The following ANKRD12 variants were observed in gnomAD, a reference collection of about 807,000 sequenced individuals.
ANKRD12 encodes ankyrin repeat domain 12.
A neutral mutation model predicts 183.4 loss-of-function variants in ANKRD12; 85 were observed. The observed-to-expected ratio is 0.46, with a 90% CI of 0.39 to 0.56. The LOEUF (loss-of-function observed/expected upper bound fraction) is 0.56. ANKRD12 is among the 20% of genes least tolerant of loss of function. The pLI, the probability that ANKRD12 is intolerant of heterozygous loss-of-function variation, is 0.00. For missense variants in ANKRD12, 2,405 were observed against 2,357.1 expected (o/e 1.02, Z -0.42); for synonymous variants, 914 against 800.2 (o/e 1.14, Z -2.40).
Position 9,181,976 on chromosome 18 carries a change from G to A in ANKRD12, c.-51-406G>A, listed in dbSNP as rs73392368. On this transcript the variant is annotated intron_variant, in intron 1 of 12. Coordinates refer to ENST00000262126, the MANE Select transcript of ANKRD12 (RefSeq NM_015208.5). ...GGAAGGATTTAATGTAGGGAATTAG[G>A]TGTTGTAAAATTACTGATCAAACCT... Among the ~76,000 whole-genome samples the A allele has an allele frequency of 3.9e-3, 587 of 152,286 alleles. 2 individuals are homozygous for A. Among genetic ancestry groups the A allele is most frequent in the African/African-American group, 0.013 (538 of 41,576 alleles).
intron 1 of ANKRD12, among the ~76,000 whole-genome samples, chr18:9,178,311 A>G (rs1361990627): frequency 7.4e-6 from 1 of 135,168 alleles, no homozygotes; most frequent in Non-Finnish European, 1.6e-5. Flanking sequence ...GAGTGAGGTA[A>G]GGATCAAGAT....
At chr18:9,194,596 A>T (rs770330976) in intron 2 of ANKRD12, among the ~76,000 whole-genome samples, 1 of 152,126 alleles carries the variant, frequency 6.6e-6, no homozygotes, top group African/African-American at 2.4e-5. Flanking sequence ...ACCTCAGGTG[A>T]TACCCATGCT....
chr18:9,177,487 T>C (rs945153050), intron 1 of ANKRD12, among the ~76,000 whole-genome samples: 2 of 152,208 alleles, frequency 1.3e-5, no homozygotes, highest in Non-Finnish European at 2.9e-5. Context: ...ATACATCTGA[T>C]GTTTTGTTCT....
At chr18:9,181,581 T>C (rs2033703080) in intron 1 of ANKRD12, among the ~76,000 whole-genome samples, 1 of 152,248 alleles carries the variant, frequency 6.6e-6, no homozygotes, top group African/African-American at 2.4e-5. Flanking sequence ...AATGTGTATC[T>C]GTGCTGTATA....
chr18:9,249,169 A>G (rs890141694), intron 8 of ANKRD12, among the ~76,000 whole-genome samples: 1 of 152,104 alleles, frequency 6.6e-6, no homozygotes, highest in Non-Finnish European at 1.5e-5. Context: ...GTGGAAAACA[A>G]AAGGAGAAAT....
rs757170460 is a variant in ANKRD12, at chr18:9,275,507, A to C, written c.5764-17A>C. Reference sequence around the variant, plus strand: ...TTGTTGAAGAATTTATTTTTTTTTAATTCTTTATTCAACTAGGAAAAACTC... The same window carrying C: ...TTGTTGAAGAATTTATTTTTTTTTACTTCTTTATTCAACTAGGAAAAACTC... On this transcript the variant is annotated splice_polypyrimidine_tract_variant and intron_variant, in intron 10 of 12. Transcript: ENST00000262126. 6.3e-7 allele frequency: 1 copy of C among 1,589,878 alleles called. No individual in the cohort carries two copies. Among genetic ancestry groups the C allele is most frequent in the Admixed American group, 1.8e-5 (1 of 56,782 alleles).
chr18:9,280,557 C>T (rs753090710), intron 12 of ANKRD12, among the ~76,000 whole-genome samples: 8 of 152,132 alleles, frequency 5.3e-5, no homozygotes, highest in Non-Finnish European at 8.8e-5. Flanking sequence ...GGAAGGCCTA[C>T]GTGAGCAGAT....
chr18:9,246,660 A>G (rs2037979914), intron 8 of ANKRD12, among the ~76,000 whole-genome samples: 1 of 152,164 alleles, frequency 6.6e-6, no homozygotes, highest in African/African-American at 2.4e-5. Context: ...TTTAAAATTG[A>G]CGTATGTGCT....
chr18:9,160,023 A>G (rs998891690), intron 1 of ANKRD12, among the ~76,000 whole-genome samples: 4 of 151,834 alleles, frequency 2.6e-5, no homozygotes, highest in African/African-American at 9.7e-5. Flanking sequence ...TAATCCCCGC[A>G]CTTTGGGAGT....
At chr18:9,279,854 GC>G (rs1284949653) in intron 12 of ANKRD12, among the ~76,000 whole-genome samples, 1 of 152,166 alleles carries the variant, frequency 6.6e-6, no homozygotes, top group Non-Finnish European at 1.5e-5. Context: ...CACAGAAAAT[GC>G]AGTTTCTAGT....
chr18:9,157,717 C>T (rs1336074850), intron 1 of ANKRD12, among the ~76,000 whole-genome samples: 1 of 150,560 alleles, frequency 6.6e-6, no homozygotes, highest in East Asian at 1.9e-4. Context: ...ATTCTTTTGC[C>T]TCAGTATGTT....
At chr18:9,212,432 A>G (rs2035857003) in intron 6 of ANKRD12, among the ~76,000 whole-genome samples, 1 of 150,600 alleles carries the variant, frequency 6.6e-6, no homozygotes, top group Non-Finnish European at 1.5e-5. Context: ...CATCTGTATC[A>G]ATCTGTAGTT....
At chr18:9,165,071 C>T (rs1338156552) in intron 1 of ANKRD12, among the ~76,000 whole-genome samples, 1 of 152,174 alleles carries the variant, frequency 6.6e-6, no homozygotes, top group Non-Finnish European at 1.5e-5. Flanking sequence ...CTTTATGAAT[C>T]TAGGTGCTCC....
chr18:9,159,526 G>A (rs1034187679), intron 1 of ANKRD12, among the ~76,000 whole-genome samples: 2 of 151,952 alleles, frequency 1.3e-5, no homozygotes, highest in African/African-American at 2.4e-5. Flanking sequence ...CTGCCTCCCG[G>A]GTTCCTGCCA....
rs559802079 is a variant in ANKRD12 at position 9,283,949 on chromosome 18, T to G, written c.*2823T>G. 4.6e-5 allele frequency: 7 copies of G among 152,326 alleles called. No individual in the cohort carries two copies. In the South Asian group the frequency reaches 1.2e-3, roughly 27 times the overall value. 9.4% of individuals were successfully genotyped at this position (152,326 alleles called of 1,614,324 possible). A position where few individuals can be genotyped will look rare whatever the true frequency, so the allele number is the denominator to read the frequency against. On this transcript the variant is annotated 3_prime_UTR_variant, in exon 13 of 13. Transcript: ENST00000262126. ...AAGTACAGGCATACCTCAGACGTAC[T>G]TTAGGTTCCAGACCATCTCAGTAAA...
intron 8 of ANKRD12, among the ~76,000 whole-genome samples, chr18:9,253,415 A>G (rs1431322118): frequency 2.0e-5 from 3 of 152,298 alleles, no homozygotes; most frequent in East Asian, 1.9e-4. Flanking sequence ...GCTCCCACAT[A>G]CAAGTGAGAA....
intron 1 of ANKRD12, among the ~76,000 whole-genome samples, chr18:9,159,019 A>C (rs1290709671): frequency 6.6e-6 from 1 of 152,036 alleles, no homozygotes; most frequent in African/African-American, 2.4e-5. Context: ...ACATATCACT[A>C]TTATTTATGT....
rs1178631193 is a variant in ANKRD12, at chr18:9,211,637, A to C, written c.505A>C (p.Ser169Arg). The change falls in exon 6 of 13, where the codon AGT becomes CGT. Residue 169 changes from serine (S) to arginine (R), a missense_variant. Around this residue, in one of 7 missense-constraint regions of ANKRD12, gnomAD observed 35 missense variants for 37.5 expected, o/e 0.93. Transcript: ENST00000262126. Reference protein sequence around the residue: ...QTTPAQKKTPSSSSRQKDKVN... With the variant: ...QTTPAQKKTPRSSSRQKDKVN... Reference sequence around the variant, plus strand: ...AACGCCTGCCCAAAAGAAAACTCCCAGTTCTTCATCTCGACAGAAAGATAA... The same window carrying C: ...AACGCCTGCCCAAAAGAAAACTCCCCGTTCTTCATCTCGACAGAAAGATAA... 1.9e-6 allele frequency: 3 copies of C among 1,613,812 alleles called. No homozygotes were observed. In the African/African-American group the frequency reaches 4.0e-5, roughly 22 times the overall value.
rs780733647 is a variant in ANKRD12 at position 9,257,458 on chromosome 18, T to C, written c.4191T>C (p.Thr1397=). The change falls in exon 9 of 13, where the codon ACT becomes ACC. Residue 1397 remains threonine (T), a synonymous_variant. Coordinates refer to ENST00000262126, the MANE Select transcript of ANKRD12 (RefSeq NM_015208.5). ...NLIKNTAPVN[T]VMDSPVHLEP... ...TCAAGAATACTGCCCCAGTGAACAC[T>C]GTAATGGACAGTCCAGTGCATTTAG... 4 of 1,613,962 alleles carry C rather than the reference T, an allele frequency of 2.5e-6. No individual in the cohort carries two copies. In the Admixed American group the frequency reaches 6.7e-5, roughly 27 times the overall value.
Sources: gnomAD v4.1 joint callset for allele counts (sites outside exome capture counted in the v4.1 genomes callset) on GRCh38, gnomAD v4.1.1 for gene constraint, gnomAD v4.1.1 regional missense constraint, MANE v1.5 for transcripts, NCBI Gene and HGNC (gene_info 2026-07-23, HGNC 2026-07-21) for gene names.